RIMS1: variants seen among roughly 807,000 people sequenced by gnomAD.
RIMS1 encodes regulating synaptic membrane exocytosis 1.
A neutral mutation model predicts 214.1 loss-of-function variants in RIMS1; 83 were observed. That is an observed-to-expected ratio of 0.39 (90% CI 0.32 to 0.47). The LOEUF (loss-of-function observed/expected upper bound fraction) is 0.47. Among genes scored for constraint, RIMS1 ranks in the 20% least tolerant of loss-of-function variants. RIMS1 has a pLI of 0.99. For missense variants in RIMS1, 2,050 were observed against 2,161.8 expected, an observed-to-expected ratio of 0.95 and a Z score of 1.03; for synonymous variants, 793 against 786.8, an observed-to-expected ratio of 1.01 and a Z score of -0.13.
At chr6:72,398,200 A>G in intron 31 of RIMS1, 49 bp from the exon 32 acceptor site, 1 of 1,185,758 alleles carries the variant, frequency 8.4e-7, no homozygotes, top group Non-Finnish European at 1.2e-6. Context: ...TTTTAACTGC[A>G]CATAACTGCA....
chr6:72,305,690 A>G (rs2095086407), intron 26 of RIMS1, among the ~76,000 whole-genome samples: 1 of 152,110 alleles, frequency 6.6e-6, no homozygotes, highest in Non-Finnish European at 1.5e-5. Flanking sequence ...AACTCCTTAT[A>G]TGTTGCCAAG....
intron 1 of RIMS1, among the ~76,000 whole-genome samples, chr6:71,923,474 T>C (rs954318122): frequency 6.6e-6 from 1 of 152,160 alleles, no homozygotes; most frequent in Admixed American, 6.5e-5. Context: ...CACTGTCATC[T>C]CCACCCTGTG....
intron 26 of RIMS1, chr6:72,295,817 T>C (rs1226853545): frequency 6.4e-6 from 1 of 155,096 alleles, no homozygotes; most frequent in Admixed American, 6.6e-5. Context: ...CATGTCACAT[T>C]ATATGTTATG....
chr6:71,912,902 C>T lies in RIMS1; in HGVS notation c.164+25715C>T, dbSNP rs981873343. Among the ~76,000 whole-genome samples, 14 of 152,150 alleles carry T rather than the reference C, an allele frequency of 9.2e-5. No individual in the cohort carries two copies. In the East Asian group the frequency reaches 2.5e-3, roughly 27 times the overall value. ...TATTTTGCAAACAAAAGACCAATAC[C>T]TTTATTTCAAAATTCTAAGTAAAAA... On this transcript the variant is annotated intron_variant, in intron 1 of 33. Transcript: ENST00000521978.
intron 1 of RIMS1, among the ~76,000 whole-genome samples, chr6:71,930,206 G>T (rs962219067): frequency 2.0e-5 from 3 of 151,974 alleles, no homozygotes; most frequent in African/African-American, 7.2e-5. Context: ...ACTGAGAAAA[G>T]GACAGAAGAG....
intron 4 of RIMS1, among the ~76,000 whole-genome samples, chr6:72,131,848 G>A (rs901443143): frequency 2.0e-5 from 3 of 152,098 alleles, no homozygotes. Context: ...ACCCAAGGGG[G>A]CCGTGTATAG....
intron 19 of RIMS1, 76 bp from the exon 20 acceptor site, chr6:72,264,899 C>A: frequency 1.1e-6 from 1 of 917,606 alleles, no homozygotes; most frequent in Non-Finnish European, 1.7e-6. Flanking sequence ...AGGCCTCCTA[C>A]TTTCTGAATA....
In RIMS1 at chr6:72,258,256, C is replaced by T. The variant is rs750178485; in HGVS notation, c.2902C>T (p.Arg968Cys). 1.5e-5 allele frequency: 25 copies of T among 1,613,230 alleles called. No homozygotes were observed. Among genetic ancestry groups the T allele is most frequent in the Admixed American group, 5.0e-5 (3 of 59,916 alleles). Residue 968 changes from arginine (R) to cysteine (C), a missense_variant, in exon 17 of 34, where the codon CGT becomes TGT. Arg to Cys is a radical substitution (Grantham distance 180, BLOSUM62 -3). This residue lies in a region of RIMS1 where 889 missense variants were observed against 885.5 expected (regional missense o/e 1.00). Transcript: ENST00000521978. ...CAATGATCAGGGAAAGCCGCGTTCA[C>T]GTTTACCAAATGTGCCATTACAGAG... is the stretch of plus-strand genomic sequence containing the variant. ...RGNDQGKPRS[R>C]LPNVPLQRSL...
At chr6:71,981,554 C>T (rs1433814826) in intron 2 of RIMS1, among the ~76,000 whole-genome samples, 1 of 152,024 alleles carries the variant, frequency 6.6e-6, no homozygotes, top group African/African-American at 2.4e-5. Flanking sequence ...ATTCACCCCA[C>T]ATTAGAAAAA....
At chr6:72,379,028 A>T (rs768124963) in intron 29 of RIMS1, among the ~76,000 whole-genome samples, 26 of 152,232 alleles carry the variant, frequency 1.7e-4, no homozygotes, top group Admixed American at 2.6e-4. Flanking sequence ...TCTTCCAGAC[A>T]TGAAACTGTA....
intron 2 of RIMS1, among the ~76,000 whole-genome samples, chr6:71,990,996 G>T (rs1254495249): frequency 6.6e-6 from 1 of 152,110 alleles, no homozygotes; most frequent in Admixed American, 6.5e-5. Context: ...ATCTAACAAT[G>T]CTCTAAAATA....
At position 72,259,422 on chromosome 6, in the gene RIMS1, A is replaced by G. The variant is rs1223124420; in HGVS notation, c.3053+311A>G. On this transcript the variant is annotated intron_variant, in intron 18 of 33. Coordinates refer to ENST00000521978, the MANE Select transcript of RIMS1 (RefSeq NM_014989.7). ...AAGGGAGTCTGCATAAGGAGTTTTC[A>G]AATATTTTATTTATTGTGGGTCACA... Among the ~76,000 whole-genome samples, 3 of 152,136 alleles carry G rather than the reference A, an allele frequency of 2.0e-5. No individual in the cohort carries two copies. In the East Asian group the frequency reaches 5.8e-4, roughly 29 times the overall value.
At position 72,266,516 on chromosome 6, in the gene RIMS1, A is replaced by G. The variant is rs547141223; in HGVS notation, c.3398+467A>G. ...TTTTTAAATAGAATACTTCCTTTGT[A>G]TATCTACATTCATTTTTAATCAATC... On this transcript the variant is annotated intron_variant, in intron 22 of 33. Transcript: ENST00000521978. Among the ~76,000 whole-genome samples, 6 of 152,270 alleles carry G rather than the reference A, an allele frequency of 3.9e-5. No individual in the cohort carries two copies. The South Asian group carries it at 8.3e-4, about 21-fold the overall frequency.
chr6:71,919,552 T>C (rs150736012), intron 1 of RIMS1, among the ~76,000 whole-genome samples: 30 of 152,202 alleles, frequency 2.0e-4, no homozygotes, highest in African/African-American at 7.0e-4. Context: ...TTGGGAGTCA[T>C]CAGGATACTG....
intron 6 of RIMS1, among the ~76,000 whole-genome samples, chr6:72,231,909 C>T (rs756327550): frequency 1.3e-5 from 2 of 151,388 alleles, no homozygotes; most frequent in Non-Finnish European, 3.0e-5. Context: ...ATAATATGAG[C>T]GAAACAAGGG....
chr6:72,368,007 T>A (rs560035655), intron 29 of RIMS1, among the ~76,000 whole-genome samples: 1 of 152,316 alleles, frequency 6.6e-6, no homozygotes, highest in African/African-American at 2.4e-5. Context: ...GGTATAAATG[T>A]ACTTAGGATG....
chr6:72,235,313 A>C (rs2063568244), intron 7 of RIMS1, among the ~76,000 whole-genome samples: 1 of 152,030 alleles, frequency 6.6e-6, no homozygotes, highest in African/African-American at 2.4e-5. Flanking sequence ...GTATAGCTGT[A>C]ATTGTATATT....
At chr6:72,292,151 G>T (rs890094288) in intron 26 of RIMS1, 105 bp downstream of exon 26, 2 of 713,620 alleles carry the variant, frequency 2.8e-6, no homozygotes, top group Non-Finnish European at 4.5e-6. Context: ...TATGTAGTTT[G>T]CTGCATCCTA....
chr6:72,168,620 A>G (rs2046593699), intron 4 of RIMS1, among the ~76,000 whole-genome samples: 1 of 151,648 alleles, frequency 6.6e-6, no homozygotes, highest in African/African-American at 2.4e-5. Flanking sequence ...AAGGTCATAT[A>G]CCAGTCAAAC....
Sources: allele counts gnomAD v4.1 joint callset (sites outside exome capture counted in the v4.1 genomes callset), GRCh38; gene constraint gnomAD v4.1.1; regional missense constraint gnomAD v4.1.1; transcripts MANE v1.5; gene names NCBI Gene and HGNC (gene_info 2026-07-23, HGNC 2026-07-21).